The following CTIF variants were observed in gnomAD, a reference collection of about 807,000 sequenced individuals.
The protein encoded by CTIF is cap binding complex dependent translation initiation factor.
A neutral mutation model predicts 66.0 loss-of-function variants in CTIF; 21 were observed. The observed-to-expected ratio is 0.32, with a 90% CI of 0.23 to 0.46. The LOEUF (loss-of-function observed/expected upper bound fraction) is 0.46. CTIF is among the 20% of genes least tolerant of loss of function. The probability of loss-of-function intolerance (pLI) is 1.00; values close to 1 mark genes in which losing one functional copy is unlikely to be tolerated. For missense variants in CTIF, 739 were observed against 812.7 expected (o/e 0.91, Z 1.10); for synonymous variants, 345 against 326.4 (o/e 1.06, Z -0.62).
intron 9 of CTIF, among the ~76,000 whole-genome samples, chr18:48,803,175 C>T (rs184808652): frequency 6.6e-6 from 1 of 152,336 alleles, no homozygotes; most frequent in East Asian, 1.9e-4. Flanking sequence ...TGCTCACAGC[C>T]TGGGAAACTT....
chr18:48,671,022 G>T (rs1240143101), intron 6 of CTIF, among the ~76,000 whole-genome samples: 3 of 152,306 alleles, frequency 2.0e-5, no homozygotes, highest in African/African-American at 7.2e-5. Context: ...TGGCAACTCA[G>T]TGAACTTGGA....
At chr18:48,798,485 G>C (rs910348648) in intron 9 of CTIF, among the ~76,000 whole-genome samples, 7 of 152,164 alleles carry the variant, frequency 4.6e-5, no homozygotes, top group African/African-American at 1.4e-4. Context: ...TTCAGTGCAG[G>C]GACAGGTTGT....
intron 6 of CTIF, among the ~76,000 whole-genome samples, chr18:48,693,570 G>T (rs1382851071): frequency 6.6e-6 from 1 of 152,154 alleles, no homozygotes; most frequent in African/African-American, 2.4e-5. Context: ...AATTTGTCAG[G>T]TCCTTCTATG....
chr18:48,685,150 A>G (rs2145195195), intron 6 of CTIF, among the ~76,000 whole-genome samples: 1 of 151,914 alleles, frequency 6.6e-6, no homozygotes, highest in South Asian at 2.1e-4. Flanking sequence ...TGAATAGTAC[A>G]AGCAGGCCAG....
intron 7 of CTIF, among the ~76,000 whole-genome samples, chr18:48,715,261 A>G (rs2092268623): frequency 6.6e-6 from 1 of 152,194 alleles, no homozygotes; most frequent in South Asian, 2.1e-4. Context: ...GAAAAAAAAA[A>G]ATTAAGCTCA....
chr18:48,650,510 A>G (rs1427784193), intron 3 of CTIF, among the ~76,000 whole-genome samples: 2 of 152,264 alleles, frequency 1.3e-5, no homozygotes, highest in Non-Finnish European at 1.5e-5. Flanking sequence ...TGATTGGTGT[A>G]CCTGAAAGCA....
intron 3 of CTIF, among the ~76,000 whole-genome samples, chr18:48,656,707 A>G (rs9646523): frequency 0.6 from 91,077 of 152,070 alleles, 29,544 homozygotes; most frequent in East Asian, 0.86. Context: ...AGGGGCTGTC[A>G]CGAAGGATTC....
chr18:48,693,380 G>A (rs1477146995), intron 6 of CTIF, among the ~76,000 whole-genome samples: 1 of 152,192 alleles, frequency 6.6e-6, no homozygotes, highest in Non-Finnish European at 1.5e-5. Context: ...CTCGCCTGGG[G>A]AGCTTTTAAC....
At chr18:48,762,248 C>G (rs1020784182) in intron 9 of CTIF, among the ~76,000 whole-genome samples, 2 of 152,234 alleles carry the variant, frequency 1.3e-5, no homozygotes, top group African/African-American at 4.8e-5. Flanking sequence ...CTCTTTCCCT[C>G]TTAATATCCC....
intron 7 of CTIF, among the ~76,000 whole-genome samples, chr18:48,751,722 G>C (rs1456251613): frequency 6.6e-6 from 1 of 152,186 alleles, no homozygotes; most frequent in Non-Finnish European, 1.5e-5. Flanking sequence ...TTAAGACCTG[G>C]ATAGGATTAG....
chr18:48,818,859 G>C (rs1439232750), intron 10 of CTIF, among the ~76,000 whole-genome samples: 1 of 152,152 alleles, frequency 6.6e-6, no homozygotes, highest in Non-Finnish European at 1.5e-5. Flanking sequence ...GGCCCTGGGT[G>C]TCAGCGGAGG....
chr18:48,626,000 CTTTT>C (rs74174709), intron 2 of CTIF, among the ~76,000 whole-genome samples: 2 of 109,172 alleles, frequency 1.8e-5, no homozygotes, highest in Non-Finnish European at 3.6e-5. Flanking sequence ...CTTTTTCTTT[CTTTT>C]TTTTTTTTTT....
chr18:48,636,144 TG>T (rs1233051727), intron 2 of CTIF, among the ~76,000 whole-genome samples: 13 of 152,172 alleles, frequency 8.5e-5, no homozygotes, highest in African/African-American at 1.4e-4. Flanking sequence ...ATAGCCAGGT[TG>T]GGCTCTTTCC....
chr18:48,794,558 G>A (rs534976586), intron 9 of CTIF, among the ~76,000 whole-genome samples: 2 of 152,284 alleles, frequency 1.3e-5, no homozygotes, highest in Admixed American at 1.3e-4. Context: ...CATTTCAGTA[G>A]CCAACTGCCT....
intron 1 of CTIF, among the ~76,000 whole-genome samples, chr18:48,616,182 C>T (rs1264790369): frequency 6.6e-6 from 1 of 152,228 alleles, no homozygotes; most frequent in Non-Finnish European, 1.5e-5. Flanking sequence ...TTAGGTGTGC[C>T]AGGGAGCCCT....
intron 6 of CTIF, among the ~76,000 whole-genome samples, chr18:48,684,125 T>A (rs889906859): frequency 3.3e-5 from 5 of 152,212 alleles, no homozygotes; most frequent in Non-Finnish European, 7.3e-5. Context: ...ATTAGATCAT[T>A]CATCTCCAAC....
chr18:48,646,901 C>T (rs939873873), intron 3 of CTIF, among the ~76,000 whole-genome samples: 2 of 77,988 alleles, frequency 2.6e-5, no homozygotes, highest in African/African-American at 5.0e-5. Context: ...TTGGCAGTTT[C>T]AAAAAAAAAA....
At chr18:48,807,522 A>G (rs1042504288) in intron 9 of CTIF, among the ~76,000 whole-genome samples, 1 of 103,798 alleles carries the variant, frequency 9.6e-6, no homozygotes, top group African/African-American at 4.0e-5. Flanking sequence ...TTCATTTAAC[A>G]TTATATAAAC....
intron 6 of CTIF, among the ~76,000 whole-genome samples, chr18:48,671,420 C>T (rs557486454): frequency 2.6e-5 from 4 of 152,316 alleles, no homozygotes; most frequent in East Asian, 1.9e-4. Context: ...GTGACCATGA[C>T]CTACCACCAC....
Sources: allele counts gnomAD v4.1 joint callset (sites outside exome capture counted in the v4.1 genomes callset), GRCh38; gene constraint gnomAD v4.1.1; transcripts MANE v1.5; gene names NCBI Gene and HGNC (gene_info 2026-07-23, HGNC 2026-07-21).